The following PFKFB1 variants were observed in gnomAD, a reference collection of about 807,000 sequenced individuals.
PFKFB1 encodes the protein 6-phosphofructo-2-kinase/fructose-2,6-bisphosphatase 1.
PFKFB1 carries 34 observed loss-of-function variants against 46.4 expected under a neutral mutation model. That is an observed-to-expected ratio of 0.73 (90% CI 0.56 to 0.98). The LOEUF is 0.98. Ranked by LOEUF, PFKFB1 falls within the 50% of genes least tolerant of loss-of-function variation. The pLI is 0.00. For synonymous variants in PFKFB1, 119 were observed against 133.8 expected, an observed-to-expected ratio of 0.89 and a Z score of 0.76; for missense variants, 393 against 376.3, an observed-to-expected ratio of 1.04 and a Z score of -0.37.
upstream of PFKFB1, chrX:54,994,829 T>G (rs1200786710): frequency 1.3e-6 from 1 of 751,936 alleles, no homozygotes; most frequent in East Asian, 1.5e-4. Context: ...AAGGGCTAAA[T>G]AAATAGGAGT....
At chrX:54,956,951 C>G in intron 6 of PFKFB1, among the ~76,000 whole-genome samples, 1 of 112,005 alleles carries the variant, frequency 8.9e-6, no homozygotes, top group South Asian at 3.8e-4. Flanking sequence ...ATGTATTCAC[C>G]ATACTGGCAG....
At chrX:54,946,466 C>A (rs949257167) in intron 9 of PFKFB1, among the ~76,000 whole-genome samples, 1 of 111,596 alleles carries the variant, frequency 9.0e-6, no homozygotes, top group African/African-American at 3.3e-5. Context: ...TTAAATCTCC[C>A]TGTAGGGGGC....
chrX:54,975,913 A>AT (rs1934826633), intron 1 of PFKFB1, among the ~76,000 whole-genome samples: 1 of 111,604 alleles, frequency 9.0e-6, no homozygotes, highest in African/African-American at 3.2e-5. Flanking sequence ...ATGAACTTGA[A>AT]TACTTAAACC....
intron 1 of PFKFB1, among the ~76,000 whole-genome samples, chrX:54,982,473 C>G: frequency 9.0e-6 from 1 of 111,651 alleles, no homozygotes. Flanking sequence ...CAACCAACAG[C>G]AGATAGAAAA....
At chrX:54,937,464 G>C in intron 11 of PFKFB1, 131 bp downstream of exon 11, 4 of 575,533 alleles carry the variant, frequency 7.0e-6, no homozygotes, top group Non-Finnish European at 1.1e-5. Context: ...ATGTGAAAGA[G>C]AAAGAATCTG....
chrX:54,968,637 C>T (rs1324242385), intron 1 of PFKFB1, among the ~76,000 whole-genome samples: 2 of 110,937 alleles, frequency 1.8e-5, no homozygotes, highest in African/African-American at 6.5e-5. Flanking sequence ...ACAAATTCCT[C>T]AAAAAGAACA....
chrX:54,949,229 G>A lies in PFKFB1; in HGVS notation c.847-8C>T. On this transcript the variant is annotated splice_polypyrimidine_tract_variant and splice_region_variant and intron_variant, in intron 8 of 13. Coordinates refer to ENST00000375006, the MANE Select transcript of PFKFB1 (RefSeq NM_002625.4). ...GGCCAGGGCATAGGCATACTAGGATGTGGGGATGCAGAGGAGGAGAGAAGG... is the reference window on the plus strand; with the variant it reads ...GGCCAGGGCATAGGCATACTAGGATATGGGGATGCAGAGGAGGAGAGAAGG... The A allele has an allele frequency of 8.4e-7, 1 of 1,186,894 alleles. No individual in the cohort carries two copies. The highest frequency in any genetic ancestry group is 1.7e-5 in the African/African-American group (1 of 57,353).
At chrX:54,950,041 C>T (rs770548169) in intron 8 of PFKFB1, among the ~76,000 whole-genome samples, 1 of 111,512 alleles carries the variant, frequency 9.0e-6, no homozygotes, top group Non-Finnish European at 1.9e-5. Flanking sequence ...ACTGGCAGCA[C>T]CGAGGGGAAC....
At chrX:54,984,062 T>C (rs1309943471) in intron 1 of PFKFB1, among the ~76,000 whole-genome samples, 1 of 111,599 alleles carries the variant, frequency 9.0e-6, no homozygotes, top group Non-Finnish European at 1.9e-5. Context: ...AAGAAACTTC[T>C]ATAAAGCAAA....
chrX:54,971,910 T>C (rs1427880295), intron 1 of PFKFB1, among the ~76,000 whole-genome samples: 3 of 111,707 alleles, frequency 2.7e-5, no homozygotes, highest in Non-Finnish European at 3.8e-5. Context: ...TGGCATTGAA[T>C]CTATAAATTA....
intron 11 of PFKFB1, among the ~76,000 whole-genome samples, chrX:54,935,481 C>T (rs1013846719): frequency 1.8e-5 from 2 of 112,553 alleles, no homozygotes; most frequent in African/African-American, 6.5e-5. Flanking sequence ...CTGCCTCAGG[C>T]CTGGTGATGG....
At position 54,952,035 on chromosome X, in the gene PFKFB1, C is replaced by A. The variant is rs780740994; in HGVS notation, c.716G>T (p.Arg239Leu). 8 of 1,208,705 alleles carry A rather than the reference C, an allele frequency of 6.6e-6. No homozygotes were observed. Among genetic ancestry groups the A allele is most frequent in the Admixed American group, 4.4e-5 (2 of 45,826 alleles). The change falls in exon 8 of 14, where the codon CGC becomes CTC. Residue 239 changes from arginine to leucine, a missense_variant. Coordinates refer to ENST00000375006, the MANE Select transcript of PFKFB1 (RefSeq NM_002625.4). The part of the protein sequence containing the change: ...VNRVQDHIQS[R>L]TVYYLMNIHV... The stretch of plus-strand genomic sequence containing the variant: ...GATATTCATGAGGTAGTAGACTGTG[C>A]GGCTCTGGATGTGATCCTGCACTCG...
chrX:54,982,744 T>C (rs1166854102), intron 1 of PFKFB1, among the ~76,000 whole-genome samples: 1 of 111,081 alleles, frequency 9.0e-6, no homozygotes, highest in African/African-American at 3.3e-5. Context: ...GTATATGCAA[T>C]GATTAAGTGG....
chrX:54,994,783 G>A, upstream of PFKFB1: 1 of 752,109 alleles, frequency 1.3e-6, no homozygotes, highest in Non-Finnish European at 1.6e-6. Flanking sequence ...TTGAAGAGAT[G>A]GGCACTATCC....
chrX:54,960,363 TA>T (rs1353821887), intron 3 of PFKFB1, among the ~76,000 whole-genome samples: 2 of 112,547 alleles, frequency 1.8e-5, no homozygotes, highest in Non-Finnish European at 3.8e-5. Context: ...AATGAAGGCA[TA>T]AGGCACAGGC....
At chrX:54,950,545 A>C (rs1328462641) in intron 8 of PFKFB1, among the ~76,000 whole-genome samples, 1 of 111,804 alleles carries the variant, frequency 8.9e-6, no homozygotes, top group Non-Finnish European at 1.9e-5. Context: ...AGCTGTGTGC[A>C]TGCACACACA....
At chrX:54,955,987 A>T (rs1569546872) in intron 7 of PFKFB1, among the ~76,000 whole-genome samples, 166 bp downstream of exon 7, 1 of 112,254 alleles carries the variant, frequency 8.9e-6, no homozygotes, top group East Asian at 2.8e-4. Flanking sequence ...CACATCAAGG[A>T]ATCAGAGCTG....
At chrX:54,958,744 T>G in intron 5 of PFKFB1, 107 bp downstream of exon 5, 12 of 508,251 alleles carry the variant, frequency 2.4e-5, no homozygotes, top group Non-Finnish European at 3.7e-5. Context: ...ATTAAAATGT[T>G]GAGCTTATGG....
At chrX:54,953,938 T>C (rs1355665155) in intron 7 of PFKFB1, among the ~76,000 whole-genome samples, 1 of 112,190 alleles carries the variant, frequency 8.9e-6, no homozygotes, top group Non-Finnish European at 1.9e-5. Flanking sequence ...TGAGCTGCTA[T>C]GCATTTATAC....
Sources: allele counts gnomAD v4.1 joint callset (sites outside exome capture counted in the v4.1 genomes callset), GRCh38; gene constraint gnomAD v4.1.1; transcripts MANE v1.5; gene names NCBI Gene and HGNC (gene_info 2026-07-23, HGNC 2026-07-21).